The following MTUS2 variants were observed in gnomAD, a reference collection of about 807,000 sequenced individuals.
MTUS2 encodes microtubule-associated tumor suppressor candidate 2.
A neutral mutation model predicts 114.1 loss-of-function variants in MTUS2; 40 were observed. The observed-to-expected ratio is 0.35, with a 90% CI of 0.27 to 0.46. The LOEUF is 0.46. Ranked by LOEUF, MTUS2 falls within the 20% of genes least tolerant of loss-of-function variation. MTUS2 has a pLI of 1.00. For synonymous variants in MTUS2, 688 were observed against 672.0 expected, an observed-to-expected ratio of 1.02 and a Z score of -0.37; for missense variants, 1,679 against 1,705.4, an observed-to-expected ratio of 0.98 and a Z score of 0.27.
chr13:29,045,544 C>T (rs1240768505), intron 4 of MTUS2, among the ~76,000 whole-genome samples: 2 of 152,074 alleles, frequency 1.3e-5, no homozygotes, highest in African/African-American at 2.4e-5. Context: ...CATGAAGGGG[C>T]AATCATTGAG....
intron 4 of MTUS2, among the ~76,000 whole-genome samples, chr13:29,068,193 G>A (rs1565990532): frequency 6.6e-6 from 1 of 152,106 alleles, no homozygotes. Context: ...CATTCAATTT[G>A]TTCTGATATT....
intron 2 of MTUS2, among the ~76,000 whole-genome samples, chr13:28,996,563 C>G (rs1468190383): frequency 1.3e-5 from 2 of 152,252 alleles, no homozygotes; most frequent in Admixed American, 1.3e-4. Flanking sequence ...TTAATTATTG[C>G]CTGAATTTCA....
chr13:29,103,914 A>G (rs1890541118), intron 5 of MTUS2, among the ~76,000 whole-genome samples: 1 of 152,226 alleles, frequency 6.6e-6, no homozygotes, highest in Non-Finnish European at 1.5e-5. Context: ...TAAGTGACTC[A>G]TTATGAATTT....
At chr13:29,371,319 G>A (rs1488149070) in intron 8 of MTUS2, among the ~76,000 whole-genome samples, 2 of 150,406 alleles carry the variant, frequency 1.3e-5, no homozygotes, top group African/African-American at 4.9e-5. Context: ...CTGGGTTCAA[G>A]TGATTCTTCT....
At chr13:29,488,034 A>G (rs1401957644) in intron 11 of MTUS2, 29 bp downstream of exon 11, 1 of 1,559,550 alleles carries the variant, frequency 6.4e-7, no homozygotes. Context: ...TGCAGCAGGC[A>G]GGGGTGGGTG....
intron 9 of MTUS2, among the ~76,000 whole-genome samples, chr13:29,440,907 G>T (rs570979875): frequency 6.6e-6 from 1 of 152,262 alleles, no homozygotes; most frequent in Admixed American, 6.5e-5. Context: ...GGGACCACAG[G>T]CCCTCAGGTG....
Position 29,306,971 on chromosome 13 carries a change from G to C in MTUS2, c.2807-17642G>C, listed in dbSNP as rs910471992. On this transcript the variant is annotated intron_variant, in intron 6 of 15. Coordinates refer to ENST00000612955, the MANE Select transcript of MTUS2 (RefSeq NM_001033602.4). ...CATGGCACTGTCAAGGCTGAGAACA[G>C]GAAGCTTGTCATCACTGGAAATCTC... 8 of 547,828 alleles carry C rather than the reference G, an allele frequency of 1.5e-5. No individual in the cohort carries two copies. In the African/African-American group the frequency reaches 1.5e-4, roughly 10 times the overall value. 33.9% of individuals were successfully genotyped at this position (547,828 alleles called of 1,614,324 possible). A position where few individuals can be genotyped will look rare whatever the true frequency, so the allele number is the denominator to read the frequency against.
intron 7 of MTUS2, among the ~76,000 whole-genome samples, chr13:29,352,993 C>A (rs1423546334): frequency 6.6e-6 from 1 of 152,140 alleles, no homozygotes; most frequent in African/African-American, 2.4e-5. Flanking sequence ...AATACATTTA[C>A]AATAACTGTT....
chr13:29,135,454 AGTTGGAT>A (rs1891939081), intron 5 of MTUS2, among the ~76,000 whole-genome samples: 1 of 152,206 alleles, frequency 6.6e-6, no homozygotes, highest in African/African-American at 2.4e-5. Flanking sequence ...GGCAGCGTAT[AGTTGGAT>A]CATGTTTTTG....
Position 29,026,396 on chromosome 13 carries a change from G to C in MTUS2, c.1698G>C (p.Gly566=). The change falls in exon 3 of 16, where the codon GGG becomes GGC. Residue 566 remains glycine (G), a synonymous_variant. Transcript: ENST00000612955. The part of the protein sequence containing the change: ...QDVSVFGMDA[G]SPLVVPPPTD... Reference sequence around the variant, plus strand: ...TTAGCGTGTTCGGTATGGATGCGGGGTCCCCCTTGGTAGTTCCACCCCCTA... The same window carrying C: ...TTAGCGTGTTCGGTATGGATGCGGGCTCCCCCTTGGTAGTTCCACCCCCTA... 6.2e-7 allele frequency: 1 copy of C among 1,613,858 alleles called. No individual in the cohort carries two copies. Among genetic ancestry groups the C allele is most frequent in the East Asian group, 2.2e-5 (1 of 44,876 alleles).
intron 8 of MTUS2, among the ~76,000 whole-genome samples, chr13:29,429,608 A>G (rs1311277319): frequency 6.6e-6 from 1 of 152,240 alleles, no homozygotes; most frequent in Non-Finnish European, 1.5e-5. Flanking sequence ...GTGAGCTAGC[A>G]GAGGGATTAG....
chr13:29,467,840 C>T (rs960272475), intron 9 of MTUS2, among the ~76,000 whole-genome samples: 9 of 152,168 alleles, frequency 5.9e-5, no homozygotes, highest in Admixed American at 4.6e-4. Context: ...TGCGGCCAGG[C>T]GCAGTGGCTC....
intron 2 of MTUS2, among the ~76,000 whole-genome samples, chr13:28,908,792 A>T (rs1430891829): frequency 6.6e-6 from 1 of 151,498 alleles, no homozygotes; most frequent in Non-Finnish European, 1.5e-5. Flanking sequence ...GGTATTGCCT[A>T]GGTTTTCTTC....
At chr13:28,924,758 A>G (rs754368899) in intron 2 of MTUS2, among the ~76,000 whole-genome samples, 2 of 152,156 alleles carry the variant, frequency 1.3e-5, no homozygotes, top group African/African-American at 2.4e-5. Flanking sequence ...CCCTCAGTCA[A>G]GGAACTATCT....
intron 4 of MTUS2, among the ~76,000 whole-genome samples, chr13:29,050,262 T>C (rs1887830328): frequency 6.6e-6 from 1 of 152,226 alleles, no homozygotes; most frequent in Non-Finnish European, 1.5e-5. Context: ...CAATCAGTTT[T>C]ACCTGTTATG....
rs112598823 is a variant in MTUS2, at chr13:29,426,727, C to T, written c.3118-13256C>T. The stretch of plus-strand genomic sequence containing the variant: ...GATGAGTTTGGCTTGTTTTGTAGCA[C>T]GTGTCAGATTAGTTAGGCATGTTTT... On this transcript the variant is annotated intron_variant, in intron 8 of 15. Transcript: ENST00000612955. Among the ~76,000 whole-genome samples, 843 of 152,272 alleles carry T rather than the reference C, an allele frequency of 5.5e-3. 9 individuals are homozygous for T. The highest frequency in any genetic ancestry group is 6.1e-3 in the Non-Finnish European group (418 of 68,030).
chr13:28,845,961 C>T (rs928469847), intron 2 of MTUS2, among the ~76,000 whole-genome samples: 1 of 151,454 alleles, frequency 6.6e-6, no homozygotes, highest in Admixed American at 6.6e-5. Flanking sequence ...AATGAAGCCT[C>T]ATTTAAGTCT....
intron 9 of MTUS2, among the ~76,000 whole-genome samples, chr13:29,466,890 A>G (rs962799719): frequency 1.4e-4 from 21 of 151,872 alleles, no homozygotes; most frequent in Admixed American, 1.1e-3. Context: ...AAAAAAAAAA[A>G]AAAAAAGAAA....
intron 1 of MTUS2, among the ~76,000 whole-genome samples, chr13:28,829,529 C>A (rs1328025533): frequency 9.0e-6 from 1 of 111,148 alleles, no homozygotes; most frequent in Non-Finnish European, 2.1e-5. Context: ...AGGACTCCGT[C>A]TAAAAAAAAA....
Sources: gnomAD v4.1 joint callset for allele counts (sites outside exome capture counted in the v4.1 genomes callset) on GRCh38, gnomAD v4.1.1 for gene constraint, MANE v1.5 for transcripts, NCBI Gene and HGNC (gene_info 2026-07-23, HGNC 2026-07-21) for gene names.